Variants in KIF20B observed in about 807,000 individuals in gnomAD.
KIF20B encodes the protein kinesin-like protein KIF20B.
In KIF20B, 188 loss-of-function variants were observed where a neutral mutation model predicts 232.5. The ratio of observed to expected loss-of-function variants is 0.81; its 90% CI spans 0.72 to 0.91. The LOEUF (loss-of-function observed/expected upper bound fraction) is 0.91. Ranked by LOEUF, KIF20B falls within the 40% of genes least tolerant of loss-of-function variation. The pLI is 0.00. For synonymous variants in KIF20B, 712 were observed against 683.0 expected (o/e 1.04, Z -0.66); for missense variants, 2,154 against 2,055.9 (o/e 1.05, Z -0.92).
intron 23 of KIF20B, 95 bp from the exon 24 acceptor site, chr10:89,751,251 A>C: frequency 1.0e-6 from 1 of 984,138 alleles, no homozygotes; most frequent in Non-Finnish European, 1.5e-6. Context: ...ATTCTATTAC[A>C]GTTAATAAAA....
Position 89,738,575 on chromosome 10 carries a change from TAAAA to T in KIF20B, c.3735_3738del (p.Glu1247LysfsTer13). ...CAAGATATGAAACATTTACTTCAAT[TAAAA>T]GAAGAAGAAGAAGAAACCAACAGGC... On this transcript the variant is annotated frameshift_variant, in exon 20 of 33. Transcript: ENST00000371728. LOFTEE classifies it high-confidence loss of function. 3.8e-6 allele frequency: 6 copies of T among 1,564,072 alleles called. No individual in the cohort carries two copies. Among genetic ancestry groups the T allele is most frequent in the Non-Finnish European group, 5.2e-6 (6 of 1,160,350 alleles).
At chr10:89,771,977 T>A (rs1261203915) in intron 31 of KIF20B, among the ~76,000 whole-genome samples, 1 of 151,942 alleles carries the variant, frequency 6.6e-6, no homozygotes, top group Non-Finnish European at 1.5e-5. Flanking sequence ...GACTCTCAGC[T>A]CTCTCAAGCC....
intron 6 of KIF20B, among the ~76,000 whole-genome samples, chr10:89,713,635 A>G (rs1842878323): frequency 6.6e-6 from 1 of 152,184 alleles, no homozygotes; most frequent in South Asian, 2.1e-4. Context: ...GAAAATATGT[A>G]AAGATGTTTG....
At chr10:89,749,367 C>A (rs1564671047) in intron 23 of KIF20B, among the ~76,000 whole-genome samples, 1 of 152,098 alleles carries the variant, frequency 6.6e-6, no homozygotes, top group African/African-American at 2.4e-5. Flanking sequence ...AATTATTAAA[C>A]AATGGAGATC....
Position 89,774,332 on chromosome 10 carries a change from ACAGG to A in KIF20B, c.*285_*288del, listed in dbSNP as rs1842526227. The A allele has an allele frequency of 1.4e-5, 3 of 208,362 alleles. No homozygotes were observed. The Admixed American group carries it at 1.8e-4, about 12-fold the overall frequency. 12.9% of individuals were successfully genotyped at this position (208,362 alleles called of 1,614,324 possible). A position where few individuals can be genotyped will look rare whatever the true frequency, so the allele number is the denominator to read the frequency against. ...CTGTTATTCTCATTTATTTTGCTAT[ACAGG>A]ATGTAATAGGTCAGGTATTTGGTTT... is the stretch of plus-strand genomic sequence containing the variant. On this transcript the variant is annotated 3_prime_UTR_variant, in exon 33 of 33. Transcript: ENST00000371728.
At position 89,728,356 on chromosome 10, in the gene KIF20B, T is replaced by G. The variant is rs564994728; in HGVS notation, c.2271+460T>G. ...AAATTTAAAACAAAACCAAACCAAC[T>G]TGTTTGGAAGCTCTTTAGACTGTTA... On this transcript the variant is annotated intron_variant, in intron 17 of 32. Coordinates refer to ENST00000371728, the MANE Select transcript of KIF20B (RefSeq NM_001284259.2). Among the ~76,000 whole-genome samples, 4 of 152,296 alleles carry G rather than the reference T, an allele frequency of 2.6e-5. No homozygotes were observed. The South Asian group carries it at 8.3e-4, about 32-fold the overall frequency.
intron 16 of KIF20B, 108 bp downstream of exon 16, chr10:89,726,629 T>C: frequency 3.4e-6 from 3 of 894,082 alleles, no homozygotes; most frequent in Non-Finnish European, 4.6e-6. Context: ...ACCAGAAAAT[T>C]CTTTCATCTA....
intron 15 of KIF20B, among the ~76,000 whole-genome samples, chr10:89,725,911 T>G (rs1459528723): frequency 2.0e-5 from 3 of 152,108 alleles, no homozygotes; most frequent in Non-Finnish European, 2.9e-5. Context: ...CAAGCAAACC[T>G]TATGTATCCT....
intron 8 of KIF20B, among the ~76,000 whole-genome samples, chr10:89,715,817 G>T (rs569178736): frequency 1.5e-4 from 22 of 151,708 alleles, no homozygotes; most frequent in African/African-American, 5.3e-4. Flanking sequence ...ATGGCAAAAC[G>T]CCATCTCTAC....
chr10:89,760,748 C>A, intron 28 of KIF20B, 112 bp downstream of exon 28: 1 of 638,396 alleles, frequency 1.6e-6, no homozygotes, highest in Non-Finnish European at 2.7e-6. Context: ...GCTGTGTGTG[C>A]TCTGGGCTGT....
intron 13 of KIF20B, among the ~76,000 whole-genome samples, chr10:89,720,430 TGGTTA>T (rs1843028252): frequency 2.0e-5 from 3 of 152,206 alleles, no homozygotes; most frequent in African/African-American, 7.2e-5. Flanking sequence ...TTTGCTCACT[TGGTTA>T]AGATAACAGT....
chr10:89,716,044 T>G (rs1346256203), intron 8 of KIF20B, among the ~76,000 whole-genome samples: 3 of 144,680 alleles, frequency 2.1e-5, no homozygotes, highest in Non-Finnish European at 4.6e-5. Flanking sequence ...CTGGTCATGA[T>G]TCAATAAATC....
chr10:89,744,705 T>TA lies in KIF20B; in HGVS notation c.4035+786dup, dbSNP rs545967602. Among the ~76,000 whole-genome samples the TA allele has an allele frequency of 6.6e-3, 1,008 of 152,012 alleles. 9 individuals carry two copies. Among genetic ancestry groups the TA allele is most frequent in the African/African-American group, 0.023 (967 of 41,480 alleles). ...ATCAACCAAATGGATGAGGCAACAA[T>TA]AAAAAAAATACATTTGTTATATTAT... On this transcript the variant is annotated intron_variant, in intron 22 of 32. Transcript: ENST00000371728.
At chr10:89,712,070 C>T in intron 6 of KIF20B, among the ~76,000 whole-genome samples, 1 of 150,090 alleles carries the variant, frequency 6.7e-6, no homozygotes, top group South Asian at 2.1e-4. Context: ...AGAATTTTTT[C>T]CTGTGAATTG....
chr10:89,758,793 A>AT lies in KIF20B; in HGVS notation c.4592dup (p.Gln1532ThrfsTer9). The AT allele has an allele frequency of 1.2e-6, 2 of 1,608,396 alleles. No homozygotes were observed. The highest frequency in any genetic ancestry group is 1.7e-6 in the Non-Finnish European group (2 of 1,177,038). On this transcript the variant is annotated frameshift_variant, in exon 27 of 33. Transcript: ENST00000371728. LOFTEE classifies it high-confidence loss of function. ...AGATCAACTGGTTGCAGCTTTAGAA[A>AT]TACAGCTAAAAGCACTGATATCCAG...
chr10:89,769,632 G>A (rs1252963043), intron 31 of KIF20B, among the ~76,000 whole-genome samples: 1 of 151,380 alleles, frequency 6.6e-6, no homozygotes, highest in African/African-American at 2.4e-5. Context: ...TTTTTTTCTT[G>A]ATAATATAAT....
chr10:89,752,907 T>C (rs556317570), intron 25 of KIF20B, among the ~76,000 whole-genome samples: 2 of 152,290 alleles, frequency 1.3e-5, no homozygotes, highest in Non-Finnish European at 2.9e-5. Context: ...CAGTGAAATA[T>C]AGTGATTGGG....
chr10:89,754,730 G>A (rs1331326355), intron 26 of KIF20B, 57 bp downstream of exon 26: 1 of 1,277,722 alleles, frequency 7.8e-7, no homozygotes, highest in Non-Finnish European at 1.0e-6. Context: ...TGTGTTAAAT[G>A]TATTGCTGGA....
At chr10:89,751,557 A>G (rs1233175991) in intron 24 of KIF20B, 86 bp downstream of exon 24, 2 of 1,268,554 alleles carry the variant, frequency 1.6e-6, no homozygotes, top group African/African-American at 1.5e-5. Context: ...TTAAAGTAGT[A>G]CGTATTTTCA....
Sources: gnomAD v4.1 joint callset for allele counts (sites outside exome capture counted in the v4.1 genomes callset) on GRCh38, gnomAD v4.1.1 for gene constraint, MANE v1.5 for transcripts, NCBI Gene and HGNC (gene_info 2026-07-23, HGNC 2026-07-21) for gene names.